Variants in MMP26 observed in about 807,000 individuals in gnomAD.
MMP26 encodes the protein matrix metallopeptidase 26.
A neutral mutation model predicts 31.0 loss-of-function variants in MMP26; 33 were observed. The ratio of observed to expected loss-of-function variants is 1.06; its 90% CI spans 0.81 to 1.42. MMP26 has a LOEUF of 1.42. MMP26 is among the 40% of genes most tolerant of loss of function. MMP26 has a pLI of 0.00. For synonymous variants in MMP26, 122 were observed against 114.9 expected, an observed-to-expected ratio of 1.06 and a Z score of -0.40; for missense variants, 347 against 316.1, an observed-to-expected ratio of 1.10 and a Z score of -0.74.
At chr11:4,754,456 G>T (rs1848482946) in intron 1 of MMP26, among the ~76,000 whole-genome samples, 1 of 151,604 alleles carries the variant, frequency 6.6e-6, no homozygotes, top group Non-Finnish European at 1.5e-5. Context: ...TTATTTTTTT[G>T]CAAATAGTAA....
At chr11:4,749,574 A>G (rs1848422014) in intron 1 of MMP26, among the ~76,000 whole-genome samples, 1 of 152,160 alleles carries the variant, frequency 6.6e-6, no homozygotes, top group South Asian at 2.1e-4. Context: ...TGGTATAAAA[A>G]TAGACACATT....
intron 2 of MMP26, among the ~76,000 whole-genome samples, chr11:4,942,108 A>AAAAAAAAAAAAAAAAAAAAAAAAAAC: frequency 7.0e-6 from 1 of 142,900 alleles, no homozygotes; most frequent in Non-Finnish European, 1.5e-5. Flanking sequence ...AAAAAAAAAA[A>AAAAAAAAAAAAAAAAAAAAAAAAAAC]AAGGAAGTAA....
intron 2 of MMP26, among the ~76,000 whole-genome samples, chr11:4,796,053 G>A (rs751137031): frequency 4.1e-4 from 63 of 152,106 alleles, no homozygotes; most frequent in Non-Finnish European, 7.8e-4. Flanking sequence ...GCCACTCTGA[G>A]TTTGCCCAGA....
chr11:4,923,309 G>A (rs1851211239), intron 2 of MMP26: 1 of 1,484,160 alleles, frequency 6.7e-7, no homozygotes, highest in Non-Finnish European at 9.0e-7. Flanking sequence ...TTTTGCCACA[G>A]CACAGCTGAA....
chr11:4,853,436 T>A (rs892325780), intron 2 of MMP26, among the ~76,000 whole-genome samples: 1 of 151,996 alleles, frequency 6.6e-6, no homozygotes, highest in Admixed American at 6.6e-5. Context: ...ACAGGTGACA[T>A]AATTAAAGAT....
chr11:4,915,079 G>A (rs143085523), intron 2 of MMP26: 225 of 1,614,000 alleles, frequency 1.4e-4, no homozygotes, highest in Middle Eastern at 3.3e-4. Flanking sequence ...CCTTCATGTC[G>A]GCACAGGCCA....
At chr11:4,966,590 C>A (rs1846598201) in intron 2 of MMP26, among the ~76,000 whole-genome samples, 1 of 152,160 alleles carries the variant, frequency 6.6e-6, no homozygotes, top group Non-Finnish European at 1.5e-5. Flanking sequence ...CTGAGTAGAA[C>A]TTGGTCAAGG....
intron 2 of MMP26, among the ~76,000 whole-genome samples, chr11:4,801,112 A>G (rs1338768409): frequency 6.6e-6 from 1 of 152,130 alleles, no homozygotes; most frequent in African/African-American, 2.4e-5. Flanking sequence ...TTTGGTCACA[A>G]TTATTTAACC....
chr11:4,920,443 T>C (rs1851167152), intron 2 of MMP26, among the ~76,000 whole-genome samples: 1 of 152,178 alleles, frequency 6.6e-6, no homozygotes, highest in Admixed American at 6.5e-5. Context: ...TCCAACATAG[T>C]TCCATTCTAG....
chr11:4,849,440 C>T (rs1172582876), intron 2 of MMP26, among the ~76,000 whole-genome samples: 1 of 152,134 alleles, frequency 6.6e-6, no homozygotes, highest in Non-Finnish European at 1.5e-5. Context: ...TAGCTGTCCT[C>T]ATAGCTCTGT....
chr11:4,987,707 G>A (rs751940646), intron 2 of MMP26, among the ~76,000 whole-genome samples: 2 of 152,088 alleles, frequency 1.3e-5, no homozygotes, highest in Non-Finnish European at 2.9e-5. Context: ...GTGAGCCATC[G>A]TGCCAGGCCA....
chr11:4,779,912 A>C (rs1158212523), intron 2 of MMP26, among the ~76,000 whole-genome samples: 1 of 152,016 alleles, frequency 6.6e-6, no homozygotes, highest in East Asian at 1.9e-4. Context: ...TTTTCCAGTA[A>C]CTGAACTTTG....
intron 2 of MMP26, among the ~76,000 whole-genome samples, chr11:4,772,186 G>T (rs1848733827): frequency 6.6e-6 from 1 of 152,132 alleles, no homozygotes; most frequent in African/African-American, 2.4e-5. Flanking sequence ...ATCCCAGAGG[G>T]TTTTAGTTAC....
chr11:4,987,922 C>A, intron 2 of MMP26, 146 bp from the exon 3 acceptor site: 1 of 426,186 alleles, frequency 2.3e-6, no homozygotes, highest in Non-Finnish European at 4.3e-6. Flanking sequence ...AAAATGATGC[C>A]CCCTATATTC....
chr11:4,713,405 T>A (rs1279477724), intron 1 of MMP26, among the ~76,000 whole-genome samples: 1 of 152,134 alleles, frequency 6.6e-6, no homozygotes, highest in Admixed American at 6.6e-5. Flanking sequence ...TTAGTCACCT[T>A]CTGTTCTTCC....
At chr11:4,904,881 A>G (rs966999651) in intron 2 of MMP26, among the ~76,000 whole-genome samples, 2 of 152,122 alleles carry the variant, frequency 1.3e-5, no homozygotes, top group African/African-American at 2.4e-5. Context: ...TGACAGATAC[A>G]TGGGGATAAA....
chr11:4,911,741 A>G (rs1238567499), intron 2 of MMP26, among the ~76,000 whole-genome samples: 1 of 152,088 alleles, frequency 6.6e-6, no homozygotes, highest in African/African-American at 2.4e-5. Context: ...TCACCCATTC[A>G]ATCGCTCTCA....
At chr11:4,924,143 C>T (rs540369807) in intron 2 of MMP26, 4 of 1,613,956 alleles carry the variant, frequency 2.5e-6, no homozygotes, top group Non-Finnish European at 3.4e-6. Context: ...AGCTAGCATG[C>T]CCAAGAAATA....
chr11:4,763,857 A>C (rs962173549), intron 1 of MMP26, among the ~76,000 whole-genome samples: 1 of 152,198 alleles, frequency 6.6e-6, no homozygotes, highest in Non-Finnish European at 1.5e-5. Context: ...AAAGTTTAAT[A>C]GTATGTAGCA....
Sources: allele counts gnomAD v4.1 joint callset (sites outside exome capture counted in the v4.1 genomes callset), GRCh38; gene constraint gnomAD v4.1.1; transcripts MANE v1.5; gene names NCBI Gene and HGNC (gene_info 2026-07-23, HGNC 2026-07-21).